ADAMTSL1: variants seen among roughly 807,000 people sequenced by gnomAD.
The protein encoded by ADAMTSL1 is ADAMTS like 1, also known as ADAMTS-like protein 1.
Under a neutral mutation model 201.8 loss-of-function variants are expected in ADAMTSL1, and 126 were observed. The observed-to-expected ratio is 0.62, with a 90% CI of 0.54 to 0.72. The LOEUF (loss-of-function observed/expected upper bound fraction) is 0.72. ADAMTSL1 is among the 30% of genes least tolerant of loss of function. The probability of loss-of-function intolerance (pLI) is 0.00; values close to 1 mark genes in which losing one functional copy is unlikely to be tolerated. For missense variants in ADAMTSL1, 2,679 were observed against 2,277.8 expected (o/e 1.18, Z -3.59); for synonymous variants, 1,121 against 903.4 (o/e 1.24, Z -4.32).
chr9:18,722,630 C>G (rs1833461671), intron 15 of ADAMTSL1, among the ~76,000 whole-genome samples: 1 of 152,168 alleles, frequency 6.6e-6, no homozygotes, highest in Non-Finnish European at 1.5e-5. Context: ...TAGTCCTCCT[C>G]CAATCACATG....
At chr9:18,807,600 C>T (rs1284248545) in intron 20 of ADAMTSL1, among the ~76,000 whole-genome samples, 7 of 149,060 alleles carry the variant, frequency 4.7e-5, no homozygotes, top group Non-Finnish European at 3.0e-5. Context: ...GAGCCGAGAT[C>T]GCACCACTGC....
intron 23 of ADAMTSL1, among the ~76,000 whole-genome samples, chr9:18,842,204 T>C (rs1445766720): frequency 1.3e-5 from 2 of 152,212 alleles, no homozygotes; most frequent in African/African-American, 2.4e-5. Flanking sequence ...TAGTCACTGC[T>C]TTGAATGTGT....
At chr9:18,906,160 CGA>C (rs773124870) in intron 27 of ADAMTSL1, among the ~76,000 whole-genome samples, 12 of 152,160 alleles carry the variant, frequency 7.9e-5, no homozygotes, top group Non-Finnish European at 1.2e-4. Context: ...CCTCATACCT[CGA>C]GAGACCTGCA....
At chr9:18,383,159 T>C (rs1837631143) in intron 2 of ADAMTSL1, among the ~76,000 whole-genome samples, 1 of 152,142 alleles carries the variant, frequency 6.6e-6, no homozygotes, top group Admixed American at 6.6e-5. Context: ...ATTATAGGAC[T>C]GTGGGGTTTT....
intron 2 of ADAMTSL1, among the ~76,000 whole-genome samples, chr9:18,218,704 G>A (rs1192535997): frequency 6.6e-6 from 1 of 151,438 alleles, no homozygotes; most frequent in African/African-American, 2.4e-5. Flanking sequence ...TATCTTTCAG[G>A]GTGTGGCTTA....
At chr9:18,452,441 A>G (rs1039819330) in intron 2 of ADAMTSL1, among the ~76,000 whole-genome samples, 1 of 152,174 alleles carries the variant, frequency 6.6e-6, no homozygotes, top group Admixed American at 6.5e-5. Flanking sequence ...CTCACATGCA[A>G]TGTGCATTCA....
At chr9:18,330,635 A>G (rs945719868) in intron 2 of ADAMTSL1, among the ~76,000 whole-genome samples, 1 of 152,164 alleles carries the variant, frequency 6.6e-6, no homozygotes, top group East Asian at 1.9e-4. Context: ...CATTTTATAG[A>G]CATGTGGGAT....
chr9:18,586,623 G>A (rs1248216931), intron 4 of ADAMTSL1, among the ~76,000 whole-genome samples: 1 of 151,922 alleles, frequency 6.6e-6, no homozygotes, highest in African/African-American at 2.4e-5. Context: ...ATTTTAAAAA[G>A]AGCCCCATAG....
chr9:18,626,571 G>A (rs1224455829), intron 5 of ADAMTSL1, among the ~76,000 whole-genome samples: 7 of 152,224 alleles, frequency 4.6e-5, no homozygotes, highest in Non-Finnish European at 7.3e-5. Context: ...GAGGCTGGGG[G>A]AAGAATGGCA....
At chr9:18,607,124 A>G (rs962430117) in intron 4 of ADAMTSL1, among the ~76,000 whole-genome samples, 4 of 152,198 alleles carry the variant, frequency 2.6e-5, no homozygotes, top group African/African-American at 9.7e-5. Context: ...TGACAACTCA[A>G]TGCCTAAATG....
chr9:18,036,225 T>C (rs141990217), intron 1 of ADAMTSL1, among the ~76,000 whole-genome samples: 150 of 152,286 alleles, frequency 9.8e-4, no homozygotes, highest in African/African-American at 3.4e-3. Context: ...GGCTGGACTA[T>C]AGAAAGAGGA....
intron 2 of ADAMTSL1, among the ~76,000 whole-genome samples, chr9:18,411,200 A>T (rs865862745): frequency 1.7e-4 from 18 of 104,114 alleles, no homozygotes; most frequent in East Asian, 2.3e-4. Context: ...ATTTATTTTT[A>T]TTTATTTATT....
intron 1 of ADAMTSL1, among the ~76,000 whole-genome samples, chr9:18,080,461 A>C (rs1336692466): frequency 6.6e-6 from 1 of 152,230 alleles, no homozygotes; most frequent in Non-Finnish European, 1.5e-5. Flanking sequence ...GAACGGATGC[A>C]CAATATCAGA....
intron 2 of ADAMTSL1, among the ~76,000 whole-genome samples, chr9:18,309,614 G>C (rs1458558341): frequency 4.6e-5 from 7 of 151,900 alleles, no homozygotes; most frequent in Non-Finnish European, 1.0e-4. Flanking sequence ...AAATACCTAG[G>C]AGTACAACTT....
chr9:18,894,910 C>T (rs1002787715), intron 26 of ADAMTSL1, among the ~76,000 whole-genome samples: 1 of 152,102 alleles, frequency 6.6e-6, no homozygotes, highest in African/African-American at 2.4e-5. Context: ...AAAGATTAAC[C>T]TAATGAGTAG....
chr9:18,071,161 T>C lies in ADAMTSL1; in HGVS notation c.88-92701T>C, dbSNP rs551410647. On this transcript the variant is annotated intron_variant, in intron 1 of 29. Transcript: ENST00000680146. ...GATGAGCATTCTGTGACAGAGCCACTGTGGGGGACGGCATGTCCCCAAGTT... is the reference window on the plus strand; with the variant it reads ...GATGAGCATTCTGTGACAGAGCCACCGTGGGGGACGGCATGTCCCCAAGTT... 3.3e-5 allele frequency among the ~76,000 whole-genome samples: 5 copies of C among 152,320 alleles called. No homozygotes were observed. The South Asian group carries it at 6.2e-4, about 19-fold the overall frequency.
chr9:18,681,566 C>A, intron 11 of ADAMTSL1: 1 of 262,572 alleles, frequency 3.8e-6, no homozygotes, highest in South Asian at 8.4e-5. Flanking sequence ...TTAAAGATTG[C>A]TGACTGATTA....
At chr9:18,890,164 A>G (rs181832614) in intron 25 of ADAMTSL1, among the ~76,000 whole-genome samples, 17 of 152,320 alleles carry the variant, frequency 1.1e-4, no homozygotes, top group Admixed American at 7.8e-4. Flanking sequence ...CTCCAAGTCT[A>G]ACCTTAAATA....
At chr9:18,208,955 G>T (rs1175798078) in intron 2 of ADAMTSL1, among the ~76,000 whole-genome samples, 2 of 150,096 alleles carry the variant, frequency 1.3e-5, no homozygotes, top group Non-Finnish European at 3.0e-5. Flanking sequence ...CTACAAAATG[G>T]GGAAAACAAT....
Sources: allele counts gnomAD v4.1 joint callset (sites outside exome capture counted in the v4.1 genomes callset), GRCh38; gene constraint gnomAD v4.1.1; transcripts MANE v1.5; gene names NCBI Gene and HGNC (gene_info 2026-07-23, HGNC 2026-07-21).